Variants in ZNF536 observed in about 807,000 individuals in gnomAD.
ZNF536 encodes zinc finger protein 536.
A neutral mutation model predicts 84.5 loss-of-function variants in ZNF536; 13 were observed. The observed-to-expected ratio is 0.15, with a 90% CI of 0.10 to 0.24. The LOEUF is 0.24. Ranked by LOEUF, ZNF536 falls within the 10% of genes least tolerant of loss-of-function variation. ZNF536 has a pLI of 1.00. For missense variants in ZNF536, 1,536 were observed against 1,747.5 expected (o/e 0.88, Z 2.16); for synonymous variants, 811 against 742.5 (o/e 1.09, Z -1.50).
chr19:30,346,277 T>A (rs1424175272), intron 2 of ZNF536, among the ~76,000 whole-genome samples: 1 of 152,238 alleles, frequency 6.6e-6, no homozygotes, highest in East Asian at 1.9e-4. Context: ...ATTCTGCTAC[T>A]AGGAAACGCT....
intron 1 of ZNF536, among the ~76,000 whole-genome samples, chr19:30,574,920 T>C (rs2046677131): frequency 1.3e-5 from 2 of 152,190 alleles, no homozygotes; most frequent in South Asian, 2.1e-4. Flanking sequence ...TTGAATTTAG[T>C]CTAGTGCAGC....
chr19:30,411,173 AGGTTGAAC>A (rs915664055), intron 1 of ZNF536, among the ~76,000 whole-genome samples: 6 of 152,212 alleles, frequency 3.9e-5, no homozygotes, highest in African/African-American at 1.4e-4. Flanking sequence ...TGGCATTGTT[AGGTTGAAC>A]GGTATGCACA....
chr19:30,446,019 C>T (rs552801612), intron 2 of ZNF536, among the ~76,000 whole-genome samples: 18 of 151,946 alleles, frequency 1.2e-4, no homozygotes, highest in East Asian at 3.9e-4. Context: ...CGCCCGAGGC[C>T]GGTGGATCAC....
intron 3 of ZNF536, among the ~76,000 whole-genome samples, chr19:30,541,032 G>T (rs990647061): frequency 2.6e-5 from 4 of 152,240 alleles, no homozygotes; most frequent in African/African-American, 9.6e-5. Flanking sequence ...GATGGAAACG[G>T]GGTGGGGGTG....
At chr19:30,647,620 G>A (rs1439048467) in intron 1 of ZNF536, among the ~76,000 whole-genome samples, 3 of 152,136 alleles carry the variant, frequency 2.0e-5, no homozygotes, top group African/African-American at 7.2e-5. Context: ...ATTTTCTCTA[G>A]AAGTTGTCAT....
intron 1 of ZNF536, among the ~76,000 whole-genome samples, chr19:30,376,753 C>T (rs1378946701): frequency 1.3e-5 from 2 of 152,214 alleles, no homozygotes; most frequent in Non-Finnish European, 2.9e-5. Flanking sequence ...ACTACCCAGC[C>T]AGTATTCCCA....
chr19:30,351,877 T>C (rs2047941398), intron 2 of ZNF536, among the ~76,000 whole-genome samples: 1 of 152,198 alleles, frequency 6.6e-6, no homozygotes, highest in African/African-American at 2.4e-5. Flanking sequence ...GGAAATCTTC[T>C]TGCTGGGTCT....
exon 2 of ZNF536, chr19:30,713,044 T>A (rs556120023): frequency 3.3e-5 from 5 of 152,242 alleles, no homozygotes; most frequent in South Asian, 4.2e-4. Flanking sequence ...TCTTTCAGTA[T>A]TTTTTTGTGT....
chr19:30,578,339 T>C (rs1391941851), intron 1 of ZNF536, among the ~76,000 whole-genome samples: 2 of 152,212 alleles, frequency 1.3e-5, no homozygotes, highest in South Asian at 2.1e-4. Context: ...GTGTTTTAAC[T>C]AAGAGCCAGC....
At chr19:30,386,053 G>T (rs2049328301) in intron 1 of ZNF536, among the ~76,000 whole-genome samples, 3 of 152,126 alleles carry the variant, frequency 2.0e-5, no homozygotes, top group Admixed American at 2.0e-4. Flanking sequence ...ATGTCAGCTG[G>T]TGTTGCATCC....
intron 2 of ZNF536, among the ~76,000 whole-genome samples, chr19:30,319,860 T>C (rs1428598666): frequency 6.6e-6 from 1 of 152,248 alleles, no homozygotes; most frequent in African/African-American, 2.4e-5. Flanking sequence ...GTAAAGGTTT[T>C]TGTTGAATTT....
chr19:30,229,433 T>C (rs960397727), intron 1 of ZNF536, among the ~76,000 whole-genome samples: 1 of 152,244 alleles, frequency 6.6e-6, no homozygotes, highest in African/African-American at 2.4e-5. Flanking sequence ...ATTATTATAA[T>C]GATTATTTAC....
intron 1 of ZNF536, among the ~76,000 whole-genome samples, chr19:30,409,081 C>T (rs2050381740): frequency 6.6e-6 from 1 of 151,998 alleles, no homozygotes; most frequent in Non-Finnish European, 1.5e-5. Flanking sequence ...CATCCATCCA[C>T]CCACAAATCC....
chr19:30,512,575 T>C (rs772166121), intron 2 of ZNF536, among the ~76,000 whole-genome samples: 4 of 151,992 alleles, frequency 2.6e-5, no homozygotes, highest in Non-Finnish European at 4.4e-5. Flanking sequence ...CATTCGTTGC[T>C]GTGATACGAG....
chr19:30,435,194 A>C (rs997787716), intron 1 of ZNF536, among the ~76,000 whole-genome samples: 3 of 150,272 alleles, frequency 2.0e-5, no homozygotes, highest in African/African-American at 7.4e-5. Flanking sequence ...GCTGATGATG[A>C]TGCTGATGAT....
rs1292481871 is a variant in ZNF536 at position 30,372,526 on chromosome 19, T to A, written c.-33T>A. On this transcript the variant is annotated 5_prime_UTR_variant, in exon 1 of 5. It removes an upstream start codon present in the reference 5' UTR. Coordinates refer to ENST00000355537, the MANE Select transcript of ZNF536 (RefSeq NM_014717.3). ...TGAAGTTTGTCTTGAAAAGTGAAAA[T>A]GGTTCCATTTCCATTTTCCCTGTTC... The A allele has an allele frequency of 2.0e-5, 3 of 152,132 alleles. No homozygotes were observed. Among genetic ancestry groups the A allele is most frequent in the Non-Finnish European group, 2.9e-5 (2 of 68,012 alleles). 9.4% of individuals were successfully genotyped at this position (152,132 alleles called of 1,614,324 possible).
chr19:30,234,776 C>CTCGT (rs2023357954), intron 1 of ZNF536, among the ~76,000 whole-genome samples: 1 of 151,726 alleles, frequency 6.6e-6, no homozygotes. Flanking sequence ...CACACACACG[C>CTCGT]GCACACGCAC....
chr19:30,542,174 G>A (rs1423072889), intron 3 of ZNF536, among the ~76,000 whole-genome samples: 5 of 152,122 alleles, frequency 3.3e-5, no homozygotes, highest in Non-Finnish European at 7.4e-5. Context: ...TTTCCAAAGA[G>A]AATATGAATC....
chr19:30,294,291 C>T (rs1345614952), intron 2 of ZNF536, among the ~76,000 whole-genome samples: 1 of 152,060 alleles, frequency 6.6e-6, no homozygotes, highest in Non-Finnish European at 1.5e-5. Context: ...TTCCCTACCC[C>T]CAAGTCATTT....
Sources: gnomAD v4.1 joint callset for allele counts (sites outside exome capture counted in the v4.1 genomes callset) on GRCh38, gnomAD v4.1.1 for gene constraint, MANE v1.5 for transcripts, NCBI Gene and HGNC (gene_info 2026-07-23, HGNC 2026-07-21) for gene names.